The following CWC27 variants were observed in gnomAD, a reference collection of about 807,000 sequenced individuals.
CWC27 encodes the protein spliceosome-associated protein CWC27 homolog.
Under a neutral mutation model 63.6 loss-of-function variants are expected in CWC27, and 47 were observed. That is an observed-to-expected ratio of 0.74 (90% confidence interval 0.58 to 0.94). The LOEUF is 0.94. Ranked by LOEUF, CWC27 falls within the 40% of genes least tolerant of loss-of-function variation. The pLI, the probability that CWC27 is intolerant of heterozygous loss-of-function variation, is 0.00. For missense variants in CWC27, 495 were observed against 554.3 expected (o/e 0.89, Z 1.07); for synonymous variants, 175 against 179.8 (o/e 0.97, Z 0.22).
intron 11 of CWC27, among the ~76,000 whole-genome samples, chr5:64,886,920 A>G (rs946816237): frequency 2.6e-5 from 4 of 152,122 alleles, no homozygotes; most frequent in Non-Finnish European, 4.4e-5. Flanking sequence ...AAACAGGTAC[A>G]GTCAGGATTA....
chr5:64,935,345 T>C (rs193171685), intron 11 of CWC27, among the ~76,000 whole-genome samples: 94 of 152,294 alleles, frequency 6.2e-4, no homozygotes, highest in African/African-American at 2.2e-3. Context: ...CCCAACACCA[T>C]TTATTAAATA....
chr5:64,941,756 T>G (rs1444950696), intron 11 of CWC27, among the ~76,000 whole-genome samples: 1 of 152,096 alleles, frequency 6.6e-6, no homozygotes, highest in African/African-American at 2.4e-5. Flanking sequence ...GAGGTGTTTT[T>G]GCCCCTCTGC....
intron 11 of CWC27, among the ~76,000 whole-genome samples, chr5:64,960,062 G>A (rs1359242944): frequency 6.6e-6 from 1 of 152,096 alleles, no homozygotes; most frequent in African/African-American, 2.4e-5. Flanking sequence ...CCACTGTTTG[G>A]TCTTTTTTTT....
intron 13 of CWC27, among the ~76,000 whole-genome samples, chr5:65,001,757 T>C (rs759998552): frequency 3.2e-4 from 48 of 152,150 alleles, no homozygotes; most frequent in Non-Finnish European, 5.0e-4. Context: ...TCTATGTTCA[T>C]CACTGATAGT....
At chr5:64,974,971 C>T (rs1183060817) in intron 12 of CWC27, among the ~76,000 whole-genome samples, 1 of 152,126 alleles carries the variant, frequency 6.6e-6, no homozygotes. Flanking sequence ...ATTCTATAAC[C>T]TCTACTCTAA....
intron 11 of CWC27, among the ~76,000 whole-genome samples, chr5:64,964,239 CCATATCTTGG>C (rs1561172322): frequency 6.6e-6 from 1 of 152,112 alleles, no homozygotes; most frequent in East Asian, 1.9e-4. Flanking sequence ...ACACCTTCAG[CCATATCTTGG>C]CATTTTATCT....
At chr5:64,874,565 G>A (rs891895058) in intron 10 of CWC27, among the ~76,000 whole-genome samples, 7 of 151,842 alleles carry the variant, frequency 4.6e-5, no homozygotes, top group African/African-American at 1.7e-4. Context: ...CTCCCAAGTT[G>A]AAGCGATTCT....
chr5:64,802,220 T>C (rs571657389), intron 9 of CWC27, among the ~76,000 whole-genome samples: 47 of 152,244 alleles, frequency 3.1e-4, no homozygotes, highest in African/African-American at 1.1e-3. Flanking sequence ...AAATTTAAAG[T>C]TTCAAGGAGT....
At chr5:64,956,228 T>C (rs1366677053) in intron 11 of CWC27, among the ~76,000 whole-genome samples, 1 of 152,188 alleles carries the variant, frequency 6.6e-6, no homozygotes, top group Non-Finnish European at 1.5e-5. Context: ...CAAACACCTA[T>C]GAATTATTTT....
chr5:64,928,525 A>T (rs1291013685), intron 11 of CWC27, among the ~76,000 whole-genome samples: 2 of 152,088 alleles, frequency 1.3e-5, no homozygotes, highest in Admixed American at 1.3e-4. Context: ...TCAGGATCTT[A>T]ATTTTTTTAT....
chr5:64,774,608 A>G (rs1580576242), intron 1 of CWC27, 83 bp from the exon 2 acceptor site: 1 of 737,886 alleles, frequency 1.4e-6, no homozygotes, highest in Non-Finnish European at 2.1e-6. Flanking sequence ...AAAACTCACT[A>G]GTGATTGCTA....
intron 11 of CWC27, among the ~76,000 whole-genome samples, chr5:64,945,973 T>A (rs2196078): frequency 1.3e-5 from 2 of 151,924 alleles, no homozygotes; most frequent in African/African-American, 2.4e-5. Context: ...TATTGATATC[T>A]TATTTACTGC....
intron 13 of CWC27, among the ~76,000 whole-genome samples, chr5:65,017,377 C>T (rs1750067836): frequency 6.6e-6 from 1 of 152,206 alleles, no homozygotes; most frequent in African/African-American, 2.4e-5. Context: ...CTGAAGTCTG[C>T]TCTTTGGACT....
intron 1 of CWC27, 35 bp downstream of exon 1, chr5:64,769,223 G>A: frequency 6.2e-7 from 1 of 1,604,670 alleles, no homozygotes; most frequent in Non-Finnish European, 8.5e-7. Context: ...GGGGTCCTGG[G>A]ATCCCCAAAG....
intron 11 of CWC27, among the ~76,000 whole-genome samples, chr5:64,920,830 TG>T (rs1747981849): frequency 6.6e-6 from 1 of 152,194 alleles, no homozygotes. Context: ...TGTGTTTATT[TG>T]GATCTTCTCT....
chr5:64,905,220 A>AAT (rs1747605175), intron 11 of CWC27, among the ~76,000 whole-genome samples: 1 of 151,396 alleles, frequency 6.6e-6, no homozygotes, highest in East Asian at 1.9e-4. Context: ...AAAAAAAAAA[A>AAT]AAAACACCTA....
chr5:64,804,114 T>TAA (rs200513803), intron 9 of CWC27, 115 bp from the exon 10 acceptor site: 14,877 of 785,724 alleles, frequency 0.019, 58 homozygotes, highest in South Asian at 0.049. Context: ...GAAAACAAAA[T>TAA]AAAAAAAAAA....
At chr5:64,986,691 C>A (rs534678672) in intron 13 of CWC27, among the ~76,000 whole-genome samples, 4 of 151,966 alleles carry the variant, frequency 2.6e-5, no homozygotes, top group Non-Finnish European at 4.4e-5. Flanking sequence ...CAGAGCCCCC[C>A]CCGGACTGGG....
intron 11 of CWC27, among the ~76,000 whole-genome samples, chr5:64,922,441 T>C (rs77800723): frequency 0.022 from 3,276 of 152,330 alleles, 108 homozygotes; most frequent in African/African-American, 0.075. Context: ...TTCTGTTGTA[T>C]TTTGAAATTC....
Sources: allele counts gnomAD v4.1 joint callset (sites outside exome capture counted in the v4.1 genomes callset), GRCh38; gene constraint gnomAD v4.1.1; transcripts MANE v1.5; gene names NCBI Gene and HGNC (gene_info 2026-07-23, HGNC 2026-07-21).